HSD17B12: variants seen among roughly 807,000 people sequenced by gnomAD.
HSD17B12 encodes the protein very-long-chain 3-oxoacyl-CoA reductase.
A neutral mutation model predicts 39.3 loss-of-function variants in HSD17B12; 32 were observed. That is an observed-to-expected ratio of 0.81 (90% CI 0.61 to 1.09). HSD17B12 has a LOEUF of 1.09. Ranked by LOEUF, HSD17B12 falls within the 50% of genes least tolerant of loss-of-function variation. The probability of loss-of-function intolerance (pLI) is 0.00; values close to 1 mark genes in which losing one functional copy is unlikely to be tolerated. For missense variants in HSD17B12, 342 were observed against 382.9 expected, an observed-to-expected ratio of 0.89 and a Z score of 0.89; for synonymous variants, 150 against 146.7, an observed-to-expected ratio of 1.02 and a Z score of -0.16.
chr11:43,782,130 C>T (rs1950771777), intron 3 of HSD17B12, among the ~76,000 whole-genome samples: 1 of 152,192 alleles, frequency 6.6e-6, no homozygotes, highest in Admixed American at 6.5e-5. Context: ...TAACTGAGAA[C>T]TCGTTTTGCC....
chr11:43,656,775 A>T, the HSD17B12 span, among the ~76,000 whole-genome samples: 9 of 152,180 alleles, frequency 5.9e-5, no homozygotes, highest in Admixed American at 5.9e-4. Context: ...ACAGTTTGTT[A>T]TAATTTCTGT....
the HSD17B12 span, among the ~76,000 whole-genome samples, chr11:43,650,496 C>A: frequency 3.9e-5 from 6 of 152,058 alleles, no homozygotes; most frequent in African/African-American, 1.4e-4. Context: ...GGGTTAGGAA[C>A]CCTCATACAC....
intron 3 of HSD17B12, among the ~76,000 whole-genome samples, chr11:43,788,183 A>G (rs1283057581): frequency 6.6e-6 from 1 of 152,160 alleles, no homozygotes; most frequent in Non-Finnish European, 1.5e-5. Context: ...TCCTGCATGG[A>G]AAATTGGTCA....
chr11:43,689,740 G>A (rs1205657340), intron 1 of HSD17B12, among the ~76,000 whole-genome samples: 1 of 151,796 alleles, frequency 6.6e-6, no homozygotes, highest in African/African-American at 2.4e-5. Flanking sequence ...TTAGAGACGG[G>A]GTTTCACCAT....
intron 1 of HSD17B12, among the ~76,000 whole-genome samples, chr11:43,697,957 G>C (rs567432467): frequency 6.6e-6 from 1 of 152,292 alleles, no homozygotes; most frequent in East Asian, 1.9e-4. Flanking sequence ...ACTTAGGACA[G>C]TTTACTCTGG....
At chr11:43,631,382 G>C in the HSD17B12 span, among the ~76,000 whole-genome samples, 1 of 152,072 alleles carries the variant, frequency 6.6e-6, no homozygotes, top group South Asian at 2.1e-4. Flanking sequence ...ATTCCTAAAG[G>C]CATCTTCCAA....
intron 1 of HSD17B12, among the ~76,000 whole-genome samples, chr11:43,692,781 T>A (rs1333433394): frequency 3.9e-5 from 6 of 152,202 alleles, no homozygotes; most frequent in Admixed American, 3.9e-4. Context: ...ACCATTCTTT[T>A]TGAATTGTTG....
intron 4 of HSD17B12, among the ~76,000 whole-genome samples, chr11:43,804,916 G>T (rs1951004305): frequency 6.6e-6 from 1 of 152,106 alleles, no homozygotes; most frequent in South Asian, 2.1e-4. Flanking sequence ...CTTCCAAATG[G>T]CAAACTCCTA....
At chr11:43,793,438 AACATTCTC>A (rs1322707788) in intron 3 of HSD17B12, among the ~76,000 whole-genome samples, 121 of 152,302 alleles carry the variant, frequency 7.9e-4, no homozygotes, top group African/African-American at 2.8e-3. Context: ...CTTCTTTTGT[AACATTCTC>A]AGACTTAATA....
chr11:43,759,189 G>T (rs1048696821), intron 3 of HSD17B12, among the ~76,000 whole-genome samples: 3 of 152,080 alleles, frequency 2.0e-5, no homozygotes, highest in Non-Finnish European at 2.9e-5. Flanking sequence ...AAAAATCAAG[G>T]ACTTTTTTTT....
At chr11:43,813,612 C>G (rs1951093308) in intron 4 of HSD17B12, among the ~76,000 whole-genome samples, 1 of 152,072 alleles carries the variant, frequency 6.6e-6, no homozygotes, top group South Asian at 2.1e-4. Flanking sequence ...AATTATTCAT[C>G]CTTTGTAATT....
intron 1 of HSD17B12, among the ~76,000 whole-genome samples, chr11:43,703,794 CT>C (rs558771099): frequency 4.0e-5 from 6 of 151,668 alleles, no homozygotes; most frequent in Admixed American, 6.6e-5. Context: ...TTGTATCTTT[CT>C]TTTTTTTCTT....
chr11:43,587,087 A>G, the HSD17B12 span, among the ~76,000 whole-genome samples: 1 of 152,222 alleles, frequency 6.6e-6, no homozygotes, highest in African/African-American at 2.4e-5. Context: ...AACTACTCAC[A>G]TTTATGAACT....
chr11:43,695,779 G>GACCTT (rs1949905816), intron 1 of HSD17B12, among the ~76,000 whole-genome samples: 1 of 152,098 alleles, frequency 6.6e-6, no homozygotes. Flanking sequence ...CCATCTGGAT[G>GACCTT]ACCTTTGTAG....
intron 1 of HSD17B12, among the ~76,000 whole-genome samples, chr11:43,704,877 C>T (rs1482071278): frequency 6.6e-6 from 1 of 152,166 alleles, no homozygotes; most frequent in African/African-American, 2.4e-5. Flanking sequence ...AGATGGAAAG[C>T]TTCTGGGATC....
At chr11:43,820,050 A>G (rs1014146255) in intron 6 of HSD17B12, among the ~76,000 whole-genome samples, 7 of 152,204 alleles carry the variant, frequency 4.6e-5, no homozygotes, top group Admixed American at 2.0e-4. Flanking sequence ...TGTAGTTAAC[A>G]TTGCTTCTGA....
intron 7 of HSD17B12, among the ~76,000 whole-genome samples, chr11:43,836,769 A>G (rs1384492581): frequency 6.6e-6 from 1 of 152,160 alleles, no homozygotes; most frequent in East Asian, 1.9e-4. Context: ...AAAGGACTAG[A>G]TATTCATTGC....
chr11:43,672,917 C>CA, the HSD17B12 span: 1 of 152,180 alleles, frequency 6.6e-6, no homozygotes. Context: ...GGAAACCTCC[C>CA]AATTTCTAAT....
chr11:43,679,111 T>G (rs1057474217), upstream of HSD17B12, among the ~76,000 whole-genome samples: 1 of 152,222 alleles, frequency 6.6e-6, no homozygotes, highest in Non-Finnish European at 1.5e-5. Flanking sequence ...TTTATTTCGT[T>G]GAGCAGTGGT....
Sources: allele counts gnomAD v4.1 joint callset (sites outside exome capture counted in the v4.1 genomes callset), GRCh38; gene constraint gnomAD v4.1.1; transcripts MANE v1.5; gene names NCBI Gene and HGNC (gene_info 2026-07-23, HGNC 2026-07-21).